RNF169: variants seen among roughly 807,000 people sequenced by gnomAD.
RNF169 encodes E3 ubiquitin-protein ligase RNF169.
Under a neutral mutation model 53.9 loss-of-function variants are expected in RNF169, and 24 were observed. The ratio of observed to expected loss-of-function variants is 0.45; its 90% confidence interval spans 0.32 to 0.63. The LOEUF is 0.63. Among genes scored for constraint, RNF169 ranks in the 20% least tolerant of loss-of-function variants. The pLI is 0.04. For synonymous variants in RNF169, 396 were observed against 363.5 expected (o/e 1.09, Z -1.02); for missense variants, 883 against 906.2 (o/e 0.97, Z 0.33).
At chr11:74,818,592 T>G (rs984243559) in intron 4 of RNF169, among the ~76,000 whole-genome samples, 2 of 152,088 alleles carry the variant, frequency 1.3e-5, no homozygotes, top group Non-Finnish European at 2.9e-5. Flanking sequence ...CGAGGTCTCC[T>G]TGTGTTGCCC....
intron 2 of RNF169, among the ~76,000 whole-genome samples, chr11:74,790,081 C>T (rs1421254525): frequency 3.3e-5 from 5 of 152,174 alleles, no homozygotes; most frequent in African/African-American, 1.2e-4. Flanking sequence ...CATTATTGCT[C>T]ACTCCATTAA....
In RNF169 at chr11:74,789,636, C is replaced by T; in HGVS notation, c.513C>T (p.Phe171=). The change falls in exon 2 of 6, where the codon TTC becomes TTT. Residue 171 remains phenylalanine (F), a synonymous_variant. Transcript: ENST00000299563. ...RAAPAEPDFI[F]RAPIKLSKPG... ...TTCCCTTTCTTTCAGACTTTATATT[C>T]AGAGCACCAATCAAATTAAGCAAGC... 6.2e-7 allele frequency: 1 copy of T among 1,607,652 alleles called. No individual in the cohort carries two copies. The highest frequency in any genetic ancestry group is 8.5e-7 in the Non-Finnish European group (1 of 1,175,080).
In RNF169 at chr11:74,837,572, A is replaced by T. The variant is rs1255591752; in HGVS notation, c.*842A>T. The T allele has an allele frequency of 6.6e-6, 1 of 152,278 alleles. No homozygotes were observed. The highest frequency in any genetic ancestry group is 1.5e-5 in the Non-Finnish European group (1 of 68,060). The allele number at this position is 152,278 out of a possible 1,614,324, so 9.4% of individuals were successfully genotyped here. On this transcript the variant is annotated 3_prime_UTR_variant, in exon 6 of 6. Transcript: ENST00000299563. ...TGCAAACAAGATCGACAGGGTGGAT[A>T]AACATATATGTGCATTATCCCCATC...
At position 74,836,509 on chromosome 11, in the gene RNF169, T is replaced by C. The variant is rs773661873; in HGVS notation, c.1906T>C (p.Ser636Pro). 6.2e-7 allele frequency: 1 copy of C among 1,614,074 alleles called. No homozygotes were observed. The highest frequency in any genetic ancestry group is 1.1e-5 in the South Asian group (1 of 91,086). Residue 636 changes from serine to proline, a missense_variant, in exon 6 of 6, where the codon TCC (serine) becomes CCC (proline). Around this residue, in one of 3 missense-constraint regions of RNF169, gnomAD observed 351 missense variants for 337.3 expected, o/e 1.04. Coordinates refer to ENST00000299563, the MANE Select transcript of RNF169 (RefSeq NM_001098638.2). ...CKTKHLEQNG[S>P]LKKLRQTSGE... ...GACCAAGCACTTAGAACAAAATGGC[T>C]CCCTTAAAAAACTGCGACAAACCAG...
chr11:74,798,221 G>A (rs580541), intron 2 of RNF169, among the ~76,000 whole-genome samples: 33,809 of 152,140 alleles, frequency 0.22, 3,916 homozygotes, highest in South Asian at 0.38. Flanking sequence ...CTGGTGAGCC[G>A]GGTGGAACAG....
At chr11:74,787,716 T>C (rs78674490) in intron 1 of RNF169, among the ~76,000 whole-genome samples, 6,761 of 152,268 alleles carry the variant, frequency 0.044, 247 homozygotes, top group Middle Eastern at 0.068. Context: ...TAAATTGATA[T>C]AGGCTTCATG....
At chr11:74,766,430 CTG>C (rs1360820424) in intron 1 of RNF169, among the ~76,000 whole-genome samples, 3 of 152,154 alleles carry the variant, frequency 2.0e-5, no homozygotes, top group Admixed American at 1.3e-4. Context: ...TTTGAAAAAA[CTG>C]TATGAAAACA....
At chr11:74,801,285 G>A (rs2035725861) in intron 2 of RNF169, among the ~76,000 whole-genome samples, 1 of 152,214 alleles carries the variant, frequency 6.6e-6, no homozygotes, top group Non-Finnish European at 1.5e-5. Flanking sequence ...TCAGGATGCT[G>A]TAAACAGGAG....
chr11:74,749,254 A>T lies in RNF169; in HGVS notation c.374A>T (p.Asp125Val). Reference protein sequence around the residue: ...RRRARDDGQADSEVLGECARR... With the variant: ...RRRARDDGQAVSEVLGECARR... Reference sequence around the variant, plus strand: ...CGGGCCCGCGACGACGGCCAGGCCGACTCAGAGGTGCTGGGCGAGTGCGCC... The same window carrying T: ...CGGGCCCGCGACGACGGCCAGGCCGTCTCAGAGGTGCTGGGCGAGTGCGCC... The change falls in exon 1 of 6, where the codon GAC (aspartate) becomes GTC (valine). Residue 125 changes from aspartate (D) to valine (V), a missense_variant. Around this residue, in one of 3 missense-constraint regions of RNF169, gnomAD observed 313 missense variants for 279.9 expected, o/e 1.12. Coordinates refer to ENST00000299563, the MANE Select transcript of RNF169 (RefSeq NM_001098638.2). 9.0e-7 allele frequency: 1 copy of T among 1,109,440 alleles called. No individual in the cohort carries two copies. The highest frequency in any genetic ancestry group is 1.1e-6 in the Non-Finnish European group (1 of 911,668). The allele number at this position is 1,109,440 out of a possible 1,614,324, so 68.7% of individuals were successfully genotyped here.
intron 1 of RNF169, among the ~76,000 whole-genome samples, chr11:74,776,698 T>C (rs2035341434): frequency 6.6e-6 from 1 of 152,108 alleles, no homozygotes; most frequent in Non-Finnish European, 1.5e-5. Context: ...CTAATGTAAT[T>C]CTCTCTGGGT....
chr11:74,795,712 T>C (rs1255015738), intron 2 of RNF169, among the ~76,000 whole-genome samples: 1 of 151,786 alleles, frequency 6.6e-6, no homozygotes, highest in Non-Finnish European at 1.5e-5. Flanking sequence ...AATAAATTAG[T>C]TGGACATGGT....
chr11:74,791,606 C>T (rs948186734), intron 2 of RNF169, among the ~76,000 whole-genome samples: 3 of 152,252 alleles, frequency 2.0e-5, no homozygotes, highest in Non-Finnish European at 2.9e-5. Context: ...TGCTCTCACC[C>T]AGCTGGGTAG....
intron 2 of RNF169, among the ~76,000 whole-genome samples, chr11:74,798,719 G>A (rs1365705202): frequency 2.0e-5 from 3 of 151,940 alleles, no homozygotes; most frequent in Admixed American, 6.6e-5. Flanking sequence ...TGGGCATCAC[G>A]GAACCTACTG....
At chr11:74,811,161 C>G (rs1376524158) in intron 3 of RNF169, among the ~76,000 whole-genome samples, 2 of 152,150 alleles carry the variant, frequency 1.3e-5, no homozygotes, top group Non-Finnish European at 2.9e-5. Context: ...GATCAGCAGT[C>G]TACCTCTTAT....
At chr11:74,813,893 T>C (rs945061609) in intron 3 of RNF169, among the ~76,000 whole-genome samples, 4 of 152,264 alleles carry the variant, frequency 2.6e-5, no homozygotes, top group Admixed American at 2.6e-4. Flanking sequence ...CGTTTCACCA[T>C]GTTAGCCAGG....
intron 1 of RNF169, among the ~76,000 whole-genome samples, chr11:74,789,322 T>C (rs1162187496): frequency 6.6e-6 from 1 of 152,200 alleles, no homozygotes; most frequent in African/African-American, 2.4e-5. Context: ...AGGCAACTTT[T>C]TGGGGAGACT....
chr11:74,817,937 G>A (rs2035959948), intron 4 of RNF169, among the ~76,000 whole-genome samples: 2 of 152,300 alleles, frequency 1.3e-5, no homozygotes, highest in South Asian at 2.1e-4. Context: ...GGATAGGATT[G>A]TGCTAATTGC....
chr11:74,774,935 G>A (rs904224747), intron 1 of RNF169, among the ~76,000 whole-genome samples: 1 of 152,124 alleles, frequency 6.6e-6, no homozygotes, highest in African/African-American at 2.4e-5. Context: ...TCTCAAGACT[G>A]GGTGACAGAG....
intron 4 of RNF169, among the ~76,000 whole-genome samples, chr11:74,823,967 T>C (rs2036055541): frequency 1.3e-5 from 2 of 152,100 alleles, no homozygotes; most frequent in South Asian, 2.1e-4. Context: ...ATTTTCATAG[T>C]TGCCACCTTA....
Sources: gnomAD v4.1 joint callset for allele counts (sites outside exome capture counted in the v4.1 genomes callset) on GRCh38, gnomAD v4.1.1 for gene constraint, gnomAD v4.1.1 regional missense constraint, MANE v1.5 for transcripts, NCBI Gene and HGNC (gene_info 2026-07-23, HGNC 2026-07-21) for gene names.